Variants in FXYD1 observed in about 807,000 individuals in gnomAD.
FXYD1 encodes phospholemman.
FXYD1 carries 9 observed loss-of-function variants against 17.2 expected under a neutral mutation model. That is an observed-to-expected ratio of 0.52 (90% CI 0.32 to 0.91). The LOEUF is 0.91. FXYD1 is among the 40% of genes least tolerant of loss of function. The pLI is 0.04. For synonymous variants in FXYD1, 55 were observed against 45.8 expected (o/e 1.20, Z -0.81); for missense variants, 113 against 120.6 (o/e 0.94, Z 0.29).
At chr19:35,142,669 G>C (rs1423307799) in intron 6 of FXYD1, 51 bp from the exon 7 acceptor site, 1 of 1,595,478 alleles carries the variant, frequency 6.3e-7, no homozygotes, top group South Asian at 1.1e-5. Context: ...ACCTGCCCAG[G>C]AGCTGGGGAT....
chr19:35,142,189 A>G, intron 5 of FXYD1: 1 of 375,196 alleles, frequency 2.7e-6, no homozygotes, highest in Non-Finnish European at 4.8e-6. Flanking sequence ...AGGCCATCTC[A>G]TGGCAGTCTG....
chr19:35,140,193 G>A, intron 2 of FXYD1, 53 bp downstream of exon 2: 1 of 1,077,268 alleles, frequency 9.3e-7, no homozygotes, highest in Non-Finnish European at 1.4e-6. Flanking sequence ...GGGTGGCGGT[G>A]GGGACCGAAG....
At chr19:35,141,108 C>G (rs951066400) in intron 3 of FXYD1, 24 bp from the exon 4 acceptor site, 1 of 1,525,760 alleles carries the variant, frequency 6.6e-7, no homozygotes, top group African/African-American at 1.4e-5. Flanking sequence ...CCTGCCCTCA[C>G]CTTCCCTGCT....
chr19:35,141,169 C>T lies in FXYD1; in HGVS notation c.132C>T (p.Ala44=), dbSNP rs1313248372. The T allele has an allele frequency of 1.2e-6, 2 of 1,611,422 alleles. No individual in the cohort carries two copies. Among genetic ancestry groups the T allele is most frequent in the East Asian group, 2.2e-5 (1 of 44,842 alleles). Residue 44 remains alanine (A), a synonymous_variant, in exon 4 of 8, where the codon GCC becomes GCT. Coordinates refer to ENST00000351325, the MANE Select transcript of FXYD1 (RefSeq NM_021902.4). The part of the protein sequence containing the change: ...QSLQIGGLVI[A]GILFILGILI... ...TGCAGATCGGAGGCCTCGTCATCGCCGGGATCCTCTTCATCCTGGGCATCC... is the reference window on the plus strand; with the variant it reads ...TGCAGATCGGAGGCCTCGTCATCGCTGGGATCCTCTTCATCCTGGGCATCC...
chr19:35,141,995 T>C (rs988361148), intron 5 of FXYD1, among the ~76,000 whole-genome samples: 1 of 152,246 alleles, frequency 6.6e-6, no homozygotes, highest in Non-Finnish European at 1.5e-5. Flanking sequence ...ATAGATATTA[T>C]CATAAGTAGT....
chr19:35,139,254 G>A (rs1315516412), intron 1 of FXYD1: 3 of 147,130 alleles, frequency 2.0e-5, no homozygotes, highest in Non-Finnish European at 2.9e-5. Context: ...TGTCCATTCC[G>A]GCCCCACTGT....
chr19:35,141,616 G>C lies in FXYD1; in HGVS notation c.206+44G>C, dbSNP rs371031044. 9 of 1,562,228 alleles carry C rather than the reference G, an allele frequency of 5.8e-6. No individual in the cohort carries two copies. In the African/African-American group the frequency reaches 1.2e-4, roughly 21 times the overall value. On this transcript the variant is annotated intron_variant, in intron 5 of 7. Transcript: ENST00000351325. Reference sequence around the variant, plus strand: ...CCCTCCTTCGCCCGCTCCTGCTCTGGAGGGCGCCGCGGGTGAGGCGGGGAG... The same window carrying C: ...CCCTCCTTCGCCCGCTCCTGCTCTGCAGGGCGCCGCGGGTGAGGCGGGGAG...
intron 7 of FXYD1, 52 bp from the exon 8 acceptor site, chr19:35,142,865 A>G: frequency 1.1e-6 from 1 of 912,302 alleles, no homozygotes; most frequent in Admixed American, 2.0e-5. Flanking sequence ...AAGGGCGGCG[A>G]GGGGTGGGGC....
At chr19:35,142,572 AC>A in intron 6 of FXYD1, 51 bp downstream of exon 6, 2 of 1,581,000 alleles carry the variant, frequency 1.3e-6, no homozygotes, top group South Asian at 1.1e-5. Flanking sequence ...GGTTCCAAGG[AC>A]CGCTTTTCCC....
At chr19:35,139,822 C>T (rs1450410890) in intron 1 of FXYD1, 2 of 437,272 alleles carry the variant, frequency 4.6e-6, no homozygotes, top group Non-Finnish European at 8.4e-6. Flanking sequence ...AGGGAGGCCC[C>T]CCGGGGACTG....
intron 4 of FXYD1, 105 bp from the exon 5 acceptor site, chr19:35,141,431 C>G (rs577242961): frequency 2.4e-5 from 23 of 972,418 alleles, no homozygotes; most frequent in Middle Eastern, 3.1e-4. Flanking sequence ...TAGCCCCGCC[C>G]CGTCCCCCAA....
At chr19:35,141,663 T>A (rs1279712312) in intron 5 of FXYD1, 91 bp downstream of exon 5, 1 of 1,024,668 alleles carries the variant, frequency 9.8e-7, no homozygotes, top group African/African-American at 1.6e-5. Context: ...CGCAGCCCGA[T>A]CCCCGTCAGC....
At chr19:35,141,636 G>A (rs2065257546) in intron 5 of FXYD1, 64 bp downstream of exon 5, 1 of 1,353,132 alleles carries the variant, frequency 7.4e-7, no homozygotes, top group Non-Finnish European at 1.0e-6. Flanking sequence ...CGGGTGAGGC[G>A]GGGAGTACCC....
chr19:35,137,469 T>C (rs1473476980), upstream of FXYD1, among the ~76,000 whole-genome samples: 2 of 152,226 alleles, frequency 1.3e-5, no homozygotes, highest in East Asian at 3.8e-4. Context: ...TCTGCTTTTG[T>C]GGGTATGTGT....
intron 7 of FXYD1, 65 bp downstream of exon 7, chr19:35,142,836 G>A: frequency 2.3e-6 from 3 of 1,284,312 alleles, no homozygotes; most frequent in Non-Finnish European, 3.4e-6. Context: ...GAGAGGGAGG[G>A]GGCCAAGTGC....
upstream of FXYD1, among the ~76,000 whole-genome samples, chr19:35,137,263 T>C (rs2065215275): frequency 6.6e-6 from 1 of 152,156 alleles, no homozygotes; most frequent in African/African-American, 2.4e-5. Flanking sequence ...CCAGGACCTG[T>C]AAACCTGGCC....
intron 5 of FXYD1, 175 bp from the exon 6 acceptor site, chr19:35,142,297 A>C: frequency 5.3e-6 from 3 of 569,114 alleles, no homozygotes; most frequent in South Asian, 2.4e-5. Context: ...GCCCCCTGCC[A>C]GCACATAAGC....
At chr19:35,137,536 ATCTG>A (rs1418401147), upstream of FXYD1, 1 of 152,230 alleles carries the variant, frequency 6.6e-6, no homozygotes, top group African/African-American at 2.4e-5. Context: ...GCCCATGGAA[ATCTG>A]TCTGTGTGTA....
At chr19:35,140,236 C>A in intron 2 of FXYD1, 96 bp downstream of exon 2, 1 of 775,934 alleles carries the variant, frequency 1.3e-6, no homozygotes, top group Non-Finnish European at 2.3e-6. Context: ...TAGACTAAGT[C>A]GGCTGGGGTA....
Sources: gnomAD v4.1 joint callset for allele counts (sites outside exome capture counted in the v4.1 genomes callset) on GRCh38, gnomAD v4.1.1 for gene constraint, MANE v1.5 for transcripts, NCBI Gene and HGNC (gene_info 2026-07-23, HGNC 2026-07-21) for gene names.